Variants in TRRAP observed in about 807,000 individuals in gnomAD.
The protein encoded by TRRAP is transformation/transcription domain associated protein, also known as transformation/transcription domain-associated protein.
Under a neutral mutation model 438.8 loss-of-function variants are expected in TRRAP, and 41 were observed. The ratio of observed to expected loss-of-function variants is 0.09; its 90% CI spans 0.07 to 0.12. The LOEUF (loss-of-function observed/expected upper bound fraction) is 0.12, where lower values mean the gene tolerates loss of function less well. Ranked by LOEUF, TRRAP falls within the 10% of genes least tolerant of loss-of-function variation. TRRAP has a pLI of 1.00. For synonymous variants in TRRAP, 1,994 were observed against 1,962.9 expected (o/e 1.02, Z -0.42); for missense variants, 3,122 against 5,055.1 (o/e 0.62, Z 11.60).
chr7:98,949,866 C>G (rs933795657), intron 37 of TRRAP, 25 bp downstream of exon 37: 3 of 1,603,968 alleles, frequency 1.9e-6, no homozygotes. Flanking sequence ...CCGCCCTGCC[C>G]CGCGGGACTG....
At chr7:98,888,364 C>T (rs1396566730) in intron 3 of TRRAP, among the ~76,000 whole-genome samples, 2 of 151,654 alleles carry the variant, frequency 1.3e-5, no homozygotes, top group Admixed American at 6.6e-5. Context: ...TGGTGAAACC[C>T]TATCTCCACT....
At chr7:98,928,851 G>A (rs1790181916) in intron 23 of TRRAP, among the ~76,000 whole-genome samples, 2 of 151,762 alleles carry the variant, frequency 1.3e-5, no homozygotes, top group African/African-American at 4.8e-5. Flanking sequence ...ATGGCTCACT[G>A]CAGCCTCTAC....
chr7:98,999,863 C>T (rs1793837136), intron 67 of TRRAP: 3 of 439,122 alleles, frequency 6.8e-6, no homozygotes. Flanking sequence ...CCGAATTCAT[C>T]TCCATCTTAA....
intron 1 of TRRAP, among the ~76,000 whole-genome samples, chr7:98,879,173 G>T (rs1795305611): frequency 6.6e-6 from 1 of 152,208 alleles, no homozygotes; most frequent in Non-Finnish European, 1.5e-5. Flanking sequence ...TTTGTCCCCA[G>T]GAGTAGGAGC....
chr7:98,971,332 C>T (rs1463600734), intron 52 of TRRAP, among the ~76,000 whole-genome samples: 1 of 152,160 alleles, frequency 6.6e-6, no homozygotes, highest in African/African-American at 2.4e-5. Context: ...ACTGACTTCT[C>T]CAAACCTTCA....
chr7:98,937,945 TG>T (rs1790628123), intron 30 of TRRAP, 125 bp downstream of exon 30: 1 of 1,100,040 alleles, frequency 9.1e-7, no homozygotes, highest in African/African-American at 1.6e-5. Flanking sequence ...GAGGCCGAGG[TG>T]GGTGGATCGC....
In TRRAP at chr7:98,915,739, T is replaced by C. The variant is rs781971235; in HGVS notation, c.2216T>C (p.Ile739Thr). 1 of 1,613,916 alleles carries C rather than the reference T, an allele frequency of 6.2e-7. No homozygotes were observed. The highest frequency in any genetic ancestry group is 1.1e-5 in the South Asian group (1 of 91,062). ...EQMLKPHLHK[I>T]VNSSMELAQT... ...ACCCCGCAGCCTCACTTGCACAAGA[T>C]TGTGAACAGCTCTATGGAGCTCGCG... Residue 739 changes from isoleucine (I) to threonine (T), a missense_variant, in exon 19 of 73, where the codon ATT becomes ACT. Transcript: ENST00000456197.
At chr7:98,986,273 A>G (rs1231000097) in intron 62 of TRRAP, among the ~76,000 whole-genome samples, 2 of 152,158 alleles carry the variant, frequency 1.3e-5, no homozygotes, top group Non-Finnish European at 2.9e-5. Flanking sequence ...TTGTGTGAGC[A>G]TGTTTGAGTT....
At chr7:98,966,523 A>G (rs894940681) in intron 49 of TRRAP, among the ~76,000 whole-genome samples, 10 of 152,066 alleles carry the variant, frequency 6.6e-5, no homozygotes, top group Non-Finnish European at 1.2e-4. Flanking sequence ...CGTCTCTACT[A>G]AAAATACAAA....
chr7:98,928,916 G>A (rs1562946027), intron 23 of TRRAP, among the ~76,000 whole-genome samples: 2 of 151,098 alleles, frequency 1.3e-5, no homozygotes, highest in South Asian at 4.2e-4. Flanking sequence ...TGGGACTACA[G>A]GCATGTAACA....
chr7:98,950,958 C>A lies in TRRAP; in HGVS notation c.5417C>A (p.Pro1806Gln). ...GAGCAGCTCTTGGGACCTCCCAATC[C>A]AGAAGGAGATAACCCAGAAAGCATC... ...EGEQLLGPPN[P>Q]EGDNPESITS... is the part of the protein sequence containing the mutation. Residue 1806 changes from proline to glutamine, a missense_variant, in exon 39 of 73, where the codon CCA (proline) becomes CAA (glutamine). Physicochemically the swap from Pro to Gln is moderately conservative, Grantham distance 76 (BLOSUM62 -1). Around this residue, in one of 24 missense-constraint regions of TRRAP, gnomAD observed 272 missense variants for 348.5 expected, o/e 0.78. Transcript: ENST00000456197. 6.2e-7 allele frequency: 1 copy of A among 1,610,730 alleles called. No individual in the cohort carries two copies. The highest frequency in any genetic ancestry group is 8.5e-7 in the Non-Finnish European group (1 of 1,178,896).
intron 30 of TRRAP, among the ~76,000 whole-genome samples, chr7:98,939,250 AG>A (rs1238168616): frequency 6.6e-6 from 1 of 152,182 alleles, no homozygotes; most frequent in Non-Finnish European, 1.5e-5. Flanking sequence ...AACTATAAAC[AG>A]GAGTTTATAT....
Position 98,983,391 on chromosome 7 carries a change from T to A in TRRAP, c.8954T>A (p.Leu2985Gln). 6.2e-7 allele frequency: 1 copy of A among 1,614,216 alleles called. No individual in the cohort carries two copies. The highest frequency in any genetic ancestry group is 2.2e-5 in the East Asian group (1 of 44,882). The change falls in exon 60 of 73, where the codon CTG becomes CAG. Residue 2985 changes from leucine to glutamine, a missense_variant. Leu to Gln is a moderately radical substitution (Grantham distance 113). Around this residue, in one of 24 missense-constraint regions of TRRAP, gnomAD observed 129 missense variants for 279.2 expected, o/e 0.46. Coordinates refer to ENST00000456197, the MANE Select transcript of TRRAP (RefSeq NM_001375524.1). ...KTVVKTWRNR[L>Q]PIVSDDLSHW... Reference sequence around the variant, plus strand: ...GTGGTGAAGACCTGGAGGAACCGACTGCCCATCGTGTCTGACGACTTGTCC... The same window carrying A: ...GTGGTGAAGACCTGGAGGAACCGACAGCCCATCGTGTCTGACGACTTGTCC...
intron 47 of TRRAP, among the ~76,000 whole-genome samples, chr7:98,964,324 T>C (rs886685759): frequency 6.6e-6 from 1 of 152,012 alleles, no homozygotes; most frequent in African/African-American, 2.4e-5. Flanking sequence ...ATTATAGGAG[T>C]AAAAACTTAG....
intron 21 of TRRAP, among the ~76,000 whole-genome samples, chr7:98,924,035 C>G (rs1419419366): frequency 6.6e-6 from 1 of 152,150 alleles, no homozygotes; most frequent in Non-Finnish European, 1.5e-5. Flanking sequence ...TTAGTAAAAG[C>G]TTAAGAAAGC....
chr7:98,972,713 G>A (rs537240855), intron 53 of TRRAP, among the ~76,000 whole-genome samples: 2 of 152,306 alleles, frequency 1.3e-5, no homozygotes, highest in South Asian at 4.1e-4. Context: ...TCAGGAGCTG[G>A]GTGATGATTC....
intron 26 of TRRAP, 42 bp downstream of exon 26, chr7:98,931,707 CTT>C: frequency 6.3e-7 from 1 of 1,586,442 alleles, no homozygotes; most frequent in Non-Finnish European, 8.6e-7. Flanking sequence ...TTCAACAAAA[CTT>C]TTGAGCCTTT....
At position 98,908,611 on chromosome 7, in the gene TRRAP, T is replaced by G; in HGVS notation, c.1116-117T>G. On this transcript the variant is annotated intron_variant, in intron 13 of 72. Transcript: ENST00000456197. This position sits in a 1 kb window ranked among gnomAD's most constrained non-coding sequence, Gnocchi z 4.1. The stretch of plus-strand genomic sequence containing the variant: ...AGAGTAATGTGGTGAAAATGGGCCA[T>G]GTAAGTGTGCCGACCCAGGGGTGGT... The G allele has an allele frequency of 1.2e-6, 1 of 849,152 alleles. No individual in the cohort carries two copies. The highest frequency in any genetic ancestry group is 1.9e-6 in the Non-Finnish European group (1 of 540,354). The allele number at this position is 849,152 out of a possible 1,614,324, so 52.6% of individuals were successfully genotyped here. A position where few individuals can be genotyped will look rare whatever the true frequency, so the allele number is the denominator to read the frequency against.
rs1554408560 is a variant in TRRAP at position 98,910,510 on chromosome 7, A to G, written c.1715A>G (p.Glu572Gly). 2 of 1,613,892 alleles carry G rather than the reference A, an allele frequency of 1.2e-6. No homozygotes were observed. The highest frequency in any genetic ancestry group is 1.3e-5 in the African/African-American group (1 of 74,900). ...WGITSCKAPGEAQFIPNKQLQ... is the reference protein window; with the variant it reads ...WGITSCKAPGGAQFIPNKQLQ... The stretch of plus-strand genomic sequence containing the variant: ...ACTTAATATACTTTCTCTTTTCCAG[A>G]AGCTCAGTTCATTCCCAACAAGCAG... Residue 572 changes from glutamate (E) to glycine (G), a missense_variant and splice_region_variant, in exon 16 of 73, where the codon GAA (glutamate) becomes GGA (glycine). This residue lies in a region of TRRAP where 149 missense variants were observed against 302.8 expected (regional missense o/e 0.49). Transcript: ENST00000456197.
Sources: allele counts gnomAD v4.1 joint callset (sites outside exome capture counted in the v4.1 genomes callset), GRCh38; gene constraint gnomAD v4.1.1; regional missense constraint gnomAD v4.1.1; non-coding constraint Gnocchi (gnomAD v3.1); transcripts MANE v1.5; gene names NCBI Gene and HGNC (gene_info 2026-07-23, HGNC 2026-07-21).